The following TRIM47 variants were observed in gnomAD, a reference collection of about 807,000 sequenced individuals.
TRIM47 encodes tripartite motif containing 47.
In TRIM47, 46 loss-of-function variants were observed where a neutral mutation model predicts 54.4. The ratio of observed to expected loss-of-function variants is 0.84; its 90% CI spans 0.67 to 1.08. The LOEUF (loss-of-function observed/expected upper bound fraction) is 1.08, where lower values mean the gene tolerates loss of function less well. Ranked by LOEUF, TRIM47 falls within the 50% of genes least tolerant of loss-of-function variation. The pLI, the probability that TRIM47 is intolerant of heterozygous loss-of-function variation, is 0.00. For missense variants in TRIM47, 825 were observed against 910.1 expected (o/e 0.91, Z 1.20); for synonymous variants, 392 against 410.2 (o/e 0.96, Z 0.54).
At position 75,874,638 on chromosome 17, in the gene TRIM47, AGGCCGGGATGCCACCCCGGCGG is replaced by A. The variant is rs775148144; in HGVS notation, c.1740_1761del (p.Arg581ProfsTer48). On this transcript the variant is annotated frameshift_variant, in exon 6 of 6. Coordinates refer to ENST00000254816, the MANE Select transcript of TRIM47 (RefSeq NM_033452.3). LOFTEE classifies it high-confidence loss of function. This position sits in a 1 kb window ranked among gnomAD's most constrained non-coding sequence, Gnocchi z 6.2. ...CGGCTCTGGAAGGGGTCAATGGGGG[AGGCCGGGATGCCACCCCGGCGG>A]GGCCGGGAGGCCTTCAGCCTCCGCA... 6.9e-6 allele frequency: 11 copies of A among 1,585,764 alleles called. No homozygotes were observed. The highest frequency in any genetic ancestry group is 6.7e-5 in the East Asian group (3 of 44,474).
chr17:75,875,204 C>T lies in TRIM47; in HGVS notation c.1277-81G>A, dbSNP rs1220141864. 7.3e-6 allele frequency: 11 copies of T among 1,503,092 alleles called. No individual in the cohort carries two copies. The highest frequency in any genetic ancestry group is 2.1e-5 in the Admixed American group (1 of 48,600). The allele number at this position is 1,503,092 out of a possible 1,614,324, so 93.1% of individuals were successfully genotyped here. A position where few individuals can be genotyped will look rare whatever the true frequency, so the allele number is the denominator to read the frequency against. ...GGCCCCTCCCCAAGTACCCACCCCC[C>T]CAAAACACAGCCTCTCCCCTGCTTT... is the stretch of plus-strand genomic sequence containing the variant. On this transcript the variant is annotated intron_variant, in intron 5 of 5. Transcript: ENST00000254816. The surrounding 1 kb of genome is among the most constrained non-coding windows in gnomAD (Gnocchi z 6.1).
Position 75,878,181 on chromosome 17 carries a change from C to T in TRIM47, c.368G>A (p.Gly123Asp), listed in dbSNP as rs1297862568. The change falls in exon 1 of 6, where the codon GGC becomes GAC. Residue 123 changes from glycine to aspartate, a missense_variant. Coordinates refer to ENST00000254816, the MANE Select transcript of TRIM47 (RefSeq NM_033452.3). ...APCAPEPWPA[G>D]EEPVRCDACP... ...CGCGTCGCAGCGCACTGGCTCTTCG[C>T]CCGCGGGCCACGGCTCGGGAGCGCA... The T allele has an allele frequency of 1.2e-5, 15 of 1,229,646 alleles. No individual in the cohort carries two copies. Among genetic ancestry groups the T allele is most frequent in the Non-Finnish European group, 1.3e-5 (13 of 986,942 alleles). The allele number at this position is 1,229,646 out of a possible 1,614,324, so 76.2% of individuals were successfully genotyped here.
chr17:75,875,721 A>T lies in TRIM47; in HGVS notation c.1201+180T>A. 1 of 781,904 alleles carries T rather than the reference A, an allele frequency of 1.3e-6. No individual in the cohort carries two copies. The highest frequency in any genetic ancestry group is 2.0e-6 in the Non-Finnish European group (1 of 494,722). The allele number at this position is 781,904 out of a possible 1,614,324, so 48.4% of individuals were successfully genotyped here. Reference sequence around the variant, plus strand: ...GGCTAGGAGAAGCCCCCTCTACCCCAGGTCCAAGGGGCTGATTGATCCCCA... The same window carrying T: ...GGCTAGGAGAAGCCCCCTCTACCCCTGGTCCAAGGGGCTGATTGATCCCCA... On this transcript the variant is annotated intron_variant, in intron 4 of 5. Coordinates refer to ENST00000254816, the MANE Select transcript of TRIM47 (RefSeq NM_033452.3). This position sits in a 1 kb window ranked among gnomAD's most constrained non-coding sequence, Gnocchi z 6.1.
In TRIM47 at chr17:75,875,452, G is replaced by T. The variant is rs753164056; in HGVS notation, c.1224C>A (p.Leu408=). ...CACTCTCCAAGAGGTTCGTACTCTC[G>T]AGGTCTTGGGGCTCAGCATCAGCTG... ...DSEADAEPQD[L]ESTNLLESEA... is the part of the protein sequence containing the mutation. The change falls in exon 5 of 6, where the codon CTC becomes CTA. Residue 408 remains leucine, a synonymous_variant. Transcript: ENST00000254816. The surrounding 1 kb of genome is among the most constrained non-coding windows in gnomAD (Gnocchi z 6.1). The T allele has an allele frequency of 6.2e-7, 1 of 1,614,010 alleles. No individual in the cohort carries two copies.
In TRIM47 at chr17:75,878,447, G is replaced by T; in HGVS notation, c.102C>A (p.Gly34=). ...CGHNFCLACL[G]ALWPHRGASG... ...TCGCGCCACGATGCGGCCAGAGCGC[G>T]CCCAGGCAGGCGAGACAGAAGTTGT... The change falls in exon 1 of 6, where the codon GGC becomes GGA. Residue 34 remains glycine (G), a synonymous_variant. Coordinates refer to ENST00000254816, the MANE Select transcript of TRIM47 (RefSeq NM_033452.3). The T allele has an allele frequency of 1.4e-6, 2 of 1,429,670 alleles. No homozygotes were observed. The highest frequency in any genetic ancestry group is 1.8e-6 in the Non-Finnish European group (2 of 1,081,678). 88.6% of individuals were successfully genotyped at this position (1,429,670 alleles called of 1,614,324 possible).
At position 75,875,473 on chromosome 17, in the gene TRIM47, A is replaced by C. The variant is rs182494507; in HGVS notation, c.1203T>G (p.Ala401=). ...TCTCGAGGTCTTGGGGCTCAGCATC[A>C]GCTGTAGAAGAGGAGACAGTGGTGA... ...EDGPQKLDSE[A]DAEPQDLEST... is the part of the protein sequence containing the mutation. The change falls in exon 5 of 6, where the codon GCT becomes GCG. Residue 401 remains alanine (A), a splice_region_variant and synonymous_variant. Transcript: ENST00000254816. This position sits in a 1 kb window ranked among gnomAD's most constrained non-coding sequence, Gnocchi z 6.1. 1 of 1,614,002 alleles carries C rather than the reference A, an allele frequency of 6.2e-7. No homozygotes were observed. The highest frequency in any genetic ancestry group is 2.2e-5 in the East Asian group (1 of 44,868).
In TRIM47 at chr17:75,878,028, A is replaced by T; in HGVS notation, c.521T>A (p.Leu174Gln). 7.0e-7 allele frequency: 1 copy of T among 1,433,806 alleles called. No homozygotes were observed. Among genetic ancestry groups the T allele is most frequent in the Non-Finnish European group, 9.1e-7 (1 of 1,096,428 alleles). 88.8% of individuals were successfully genotyped at this position (1,433,806 alleles called of 1,614,324 possible). Residue 174 changes from leucine to glutamine, a missense_variant, in exon 1 of 6, where the codon CTG becomes CAG. Leu to Gln is a moderately radical substitution (Grantham distance 113). Coordinates refer to ENST00000254816, the MANE Select transcript of TRIM47 (RefSeq NM_033452.3). ...GCACAGGCTCTCCTCTAGCCGGCGC[A>T]GCGGCGGCACCAGGCGGTGTCCGCG... The part of the protein sequence containing the change: ...ALRGHRLVPP[L>Q]RRLEESLCPR...
chr17:75,875,624 A>AGGCAACGGGCATGTGTG lies in TRIM47; in HGVS notation c.1202-151_1202-150insCACACATGCCCGTTGCC. 1 of 761,204 alleles carries AGGCAACGGGCATGTGTG rather than the reference A, an allele frequency of 1.3e-6. No individual in the cohort carries two copies. The highest frequency in any genetic ancestry group is 2.2e-6 in the Non-Finnish European group (1 of 447,528). 47.2% of individuals were successfully genotyped at this position (761,204 alleles called of 1,614,324 possible). On this transcript the variant is annotated intron_variant, in intron 4 of 5. Coordinates refer to ENST00000254816, the MANE Select transcript of TRIM47 (RefSeq NM_033452.3). The surrounding 1 kb of genome is among the most constrained non-coding windows in gnomAD (Gnocchi z 6.1). ...GATGTGGCACGCTGTGCTCACACAC[A>AGGCAACGGGCATGTGTG]TGCCCGTTGCCTGTGTTCTGCCTCT...
chr17:75,875,791 G>C lies in TRIM47; in HGVS notation c.1201+110C>G, dbSNP rs2143969939. On this transcript the variant is annotated intron_variant, in intron 4 of 5. Transcript: ENST00000254816. The surrounding 1 kb of genome is among the most constrained non-coding windows in gnomAD (Gnocchi z 6.1). ...ACTGGCAGGATTTGGGCTCCTCCCT[G>C]TGCCAGGCACAATTTTCCTCCTCCA... 1 of 1,320,210 alleles carries C rather than the reference G, an allele frequency of 7.6e-7. No individual in the cohort carries two copies. The highest frequency in any genetic ancestry group is 2.5e-5 in the East Asian group (1 of 39,778). The allele number at this position is 1,320,210 out of a possible 1,614,324, so 81.8% of individuals were successfully genotyped here.
chr17:75,878,557 G>T lies in TRIM47; in HGVS notation c.-9C>A. 7.9e-7 allele frequency: 1 copy of T among 1,270,954 alleles called. No homozygotes were observed. The allele number at this position is 1,270,954 out of a possible 1,614,324, so 78.7% of individuals were successfully genotyped here. A position where few individuals can be genotyped will look rare whatever the true frequency, so the allele number is the denominator to read the frequency against. ...GGTCCACTGCCGTCCATGACTCCGCGGCCGCCCAGGGCGCCGCCGATTGTG... is the reference window on the plus strand; with the variant it reads ...GGTCCACTGCCGTCCATGACTCCGCTGCCGCCCAGGGCGCCGCCGATTGTG... On this transcript the variant is annotated 5_prime_UTR_variant, in exon 1 of 6. Transcript: ENST00000254816.
chr17:75,874,501 G>C lies in TRIM47; in HGVS notation c.1899C>G (p.Ser633=), dbSNP rs559583882. Residue 633 remains serine (S), a synonymous_variant, in exon 6 of 6, where the codon TCC becomes TCG. Transcript: ENST00000254816. The surrounding 1 kb of genome is among the most constrained non-coding windows in gnomAD (Gnocchi z 6.2). ...CCCGGCATCACCTCCTCTTCAGCAC[G>C]GATATGCAGGACTTCTTGAGGGGCC... The part of the protein sequence containing the change: ...QIGPLKKSCI[S]VLKRR 4.6e-6 allele frequency: 7 copies of C among 1,508,006 alleles called. No individual in the cohort carries two copies. The highest frequency in any genetic ancestry group is 6.2e-6 in the Non-Finnish European group (7 of 1,128,122). The allele number at this position is 1,508,006 out of a possible 1,614,324, so 93.4% of individuals were successfully genotyped here.
rs2143979925 is a variant in TRIM47 at position 75,878,037 on chromosome 17, AC to A, written c.511del (p.Val171CysfsTer7). 7.1e-7 allele frequency: 1 copy of A among 1,415,082 alleles called. No individual in the cohort carries two copies. The highest frequency in any genetic ancestry group is 1.4e-5 in the South Asian group (1 of 69,610). 87.7% of individuals were successfully genotyped at this position (1,415,082 alleles called of 1,614,324 possible). On this transcript the variant is annotated frameshift_variant, in exon 1 of 6. Coordinates refer to ENST00000254816, the MANE Select transcript of TRIM47 (RefSeq NM_033452.3). LOFTEE classifies it high-confidence loss of function. ...RSPALRGHRL[V>X]PPLRRLEESL... ...CTCCTCTAGCCGGCGCAGCGGCGGCACCAGGCGGTGTCCGCGGAGGGCGGGG... is the reference window on the plus strand; with the variant it reads ...CTCCTCTAGCCGGCGCAGCGGCGGCACAGGCGGTGTCCGCGGAGGGCGGGG...
intron 2 of TRIM47, 49 bp from the exon 3 acceptor site, chr17:75,876,541 G>C: frequency 1.3e-6 from 2 of 1,528,248 alleles, no homozygotes; most frequent in Non-Finnish European, 1.8e-6. Flanking sequence ...GAACCGTCCC[G>C]GACTGTACCC....
Position 75,878,273 on chromosome 17 carries a change from G to A in TRIM47, c.276C>T (p.Ala92=). Reference sequence around the variant, plus strand: ...CCGAGGGCTCCGGGGCCAGGGCAGGGGCCGGGCCGGGGCCGGACCCGGGGC... The same window carrying A: ...CCGAGGGCTCCGGGGCCAGGGCAGGAGCCGGGCCGGGGCCGGACCCGGGGC... The part of the protein sequence containing the change: ...GSGPGSGPGP[A]PALAPEPSAP... The change falls in exon 1 of 6, where the codon GCC becomes GCT. Residue 92 remains alanine (A), a synonymous_variant. Transcript: ENST00000254816. 1 of 1,258,006 alleles carries A rather than the reference G, an allele frequency of 7.9e-7. No homozygotes were observed. The highest frequency in any genetic ancestry group is 1.0e-6 in the Non-Finnish European group (1 of 1,000,874). The allele number at this position is 1,258,006 out of a possible 1,614,324, so 77.9% of individuals were successfully genotyped here.
Position 75,874,705 on chromosome 17 carries a change from C to T in TRIM47, c.1695G>A (p.Arg565=). 2 of 1,613,794 alleles carry T rather than the reference C, an allele frequency of 1.2e-6. No homozygotes were observed. Among genetic ancestry groups the T allele is most frequent in the Non-Finnish European group, 1.7e-6 (2 of 1,179,864 alleles). The part of the protein sequence containing the change: ...ADRALAFYAV[R]DGKMSLLRRL... ...TCCGCAGGAGGCTCATCTTGCCGTCCCGTACAGCATAGAAGGCCAAGGCAC... is the reference window on the plus strand; with the variant it reads ...TCCGCAGGAGGCTCATCTTGCCGTCTCGTACAGCATAGAAGGCCAAGGCAC... Residue 565 remains arginine, a synonymous_variant, in exon 6 of 6, where the codon CGG becomes CGA. Transcript: ENST00000254816. This position sits in a 1 kb window ranked among gnomAD's most constrained non-coding sequence, Gnocchi z 6.2.
chr17:75,876,906 A>G, intron 1 of TRIM47, 93 bp from the exon 2 acceptor site: 1 of 1,225,808 alleles, frequency 8.2e-7, no homozygotes, highest in Non-Finnish European at 1.2e-6. Flanking sequence ...GAAGGGGGTG[A>G]CTGGGGAGTG....
chr17:75,877,090 T>C lies in TRIM47; in HGVS notation c.676-277A>G, dbSNP rs549719605. The C allele has an allele frequency of 1.0e-4, 48 of 466,476 alleles. No individual in the cohort carries two copies. The East Asian group carries it at 1.6e-3, about 16-fold the overall frequency. The allele number at this position is 466,476 out of a possible 1,614,324, so 28.9% of individuals were successfully genotyped here. A position where few individuals can be genotyped will look rare whatever the true frequency, so the allele number is the denominator to read the frequency against. ...GTACAGGGCCGTCCGCTGGTCTCAG[T>C]GTTGCTCAGATGAATTTGAGAACTT... On this transcript the variant is annotated intron_variant, in intron 1 of 5. Transcript: ENST00000254816.
chr17:75,874,925 C>T lies in TRIM47; in HGVS notation c.1475G>A (p.Trp492Ter). Residue 492 changes from tryptophan to a stop codon, truncating the protein, a stop_gained, in exon 6 of 6, where the codon TGG (tryptophan) becomes TAG (stop). Transcript: ENST00000254816. LOFTEE classifies it high-confidence loss of function. This position sits in a 1 kb window ranked among gnomAD's most constrained non-coding sequence, Gnocchi z 6.2. ...TTCGGCCATGACCCCCATGCTGACC[C>T]AGCCCTCGATAATCTCCACCTCCCA... is the stretch of plus-strand genomic sequence containing the variant. ...YYWEVEIIEGWVSMGVMAEDF... is the reference protein window; with the variant it reads ...YYWEVEIIEG 6.2e-7 allele frequency: 1 copy of T among 1,614,134 alleles called. No homozygotes were observed. The highest frequency in any genetic ancestry group is 8.5e-7 in the Non-Finnish European group (1 of 1,180,004).
Position 75,878,399 on chromosome 17 carries a change from G to A in TRIM47, c.150C>T (p.Gly50=), listed in dbSNP as rs1221744139. 4.9e-6 allele frequency: 7 copies of A among 1,422,952 alleles called. No individual in the cohort carries two copies. In the South Asian group the frequency reaches 7.0e-5, roughly 14 times the overall value. The allele number at this position is 1,422,952 out of a possible 1,614,324, so 88.1% of individuals were successfully genotyped here. A position where few individuals can be genotyped will look rare whatever the true frequency, so the allele number is the denominator to read the frequency against. Residue 50 remains glycine (G), a synonymous_variant, in exon 1 of 6, where the codon GGC becomes GGT. Transcript: ENST00000254816. ...CCTGGCACAGCGGGCAGCGGGCCGCGCCTCCGGGTCCGCCGGCTCCACTCG... is the reference window on the plus strand; with the variant it reads ...CCTGGCACAGCGGGCAGCGGGCCGCACCTCCGGGTCCGCCGGCTCCACTCG... ...RGASGAGGPG[G]AARCPLCQEP...
Sources: gnomAD v4.1 joint callset for allele counts on GRCh38, gnomAD v4.1.1 for gene constraint, Gnocchi (gnomAD v3.1) non-coding constraint, MANE v1.5 for transcripts, NCBI Gene and HGNC (gene_info 2026-07-23, HGNC 2026-07-21) for gene names.